FER: variants seen among roughly 807,000 people sequenced by gnomAD.
The protein encoded by FER is FER tyrosine kinase.
Under a neutral mutation model 111.0 loss-of-function variants are expected in FER, and 63 were observed. That is an observed-to-expected ratio of 0.57 (90% CI 0.46 to 0.70). The LOEUF (loss-of-function observed/expected upper bound fraction) is 0.70, where lower values mean the gene tolerates loss of function less well. FER is among the 30% of genes least tolerant of loss of function. The probability of loss-of-function intolerance (pLI) is 0.00; values close to 1 mark genes in which losing one functional copy is unlikely to be tolerated. For synonymous variants in FER, 327 were observed against 313.9 expected (o/e 1.04, Z -0.44); for missense variants, 914 against 954.0 (o/e 0.96, Z 0.55).
At chr5:108,891,091 CATT>C (rs1481578670) in intron 9 of FER, among the ~76,000 whole-genome samples, 1 of 152,066 alleles carries the variant, frequency 6.6e-6, no homozygotes, top group African/African-American at 2.4e-5. Flanking sequence ...AGTGATATCT[CATT>C]GTTGTTTTAA....
At chr5:109,180,274 A>C (rs565226005) in intron 17 of FER, among the ~76,000 whole-genome samples, 4 of 152,180 alleles carry the variant, frequency 2.6e-5, no homozygotes, top group Non-Finnish European at 4.4e-5. Context: ...ATCAGAGTCT[A>C]CTCAGTATCT....
At chr5:108,908,296 A>G (rs535359613) in intron 10 of FER, among the ~76,000 whole-genome samples, 1 of 152,216 alleles carries the variant, frequency 6.6e-6, no homozygotes, top group African/African-American at 2.4e-5. Flanking sequence ...ATTTTTTAAA[A>G]ACCTTTTTCC....
intron 16 of FER, among the ~76,000 whole-genome samples, chr5:109,048,702 C>A (rs1446229707): frequency 2.0e-5 from 3 of 152,230 alleles, no homozygotes; most frequent in South Asian, 2.1e-4. Flanking sequence ...ATGAAACCTT[C>A]TACTCAACAG....
intron 16 of FER, among the ~76,000 whole-genome samples, chr5:109,049,198 C>G (rs1023252307): frequency 2.0e-5 from 3 of 152,300 alleles, no homozygotes; most frequent in Non-Finnish European, 4.4e-5. Context: ...CTTAAAGTGA[C>G]ACCCATTTTT....
chr5:108,911,664 T>G (rs143753169), intron 10 of FER, among the ~76,000 whole-genome samples: 78 of 152,296 alleles, frequency 5.1e-4, no homozygotes, highest in African/African-American at 1.8e-3. Flanking sequence ...AGGGGTCTAG[T>G]TTTATTCTTT....
At chr5:108,808,740 T>G (rs977387140) in intron 3 of FER, among the ~76,000 whole-genome samples, 4 of 152,168 alleles carry the variant, frequency 2.6e-5, no homozygotes, top group Non-Finnish European at 4.4e-5. Context: ...TGTTGTTGTT[T>G]CCTTGTTTAG....
chr5:108,913,879 C>G (rs917631430), intron 10 of FER, among the ~76,000 whole-genome samples: 4 of 152,074 alleles, frequency 2.6e-5, no homozygotes, highest in African/African-American at 7.2e-5. Context: ...AAAAATAATG[C>G]TAAGTGAAAA....
intron 13 of FER, among the ~76,000 whole-genome samples, chr5:109,005,776 T>C (rs1191892574): frequency 6.6e-6 from 1 of 152,200 alleles, no homozygotes; most frequent in Non-Finnish European, 1.5e-5. Flanking sequence ...GCAAGGACCA[T>C]GTGTTCTGCC....
chr5:108,924,885 T>C (rs1753529269), intron 10 of FER: 3 of 958,856 alleles, frequency 3.1e-6, no homozygotes, highest in African/African-American at 1.7e-5. Flanking sequence ...CTGCTTCAAA[T>C]GGGAAGGATA....
intron 17 of FER, among the ~76,000 whole-genome samples, chr5:109,176,076 T>C (rs1299575864): frequency 6.6e-6 from 1 of 152,084 alleles, no homozygotes; most frequent in Non-Finnish European, 1.5e-5. Flanking sequence ...TAAATTAATA[T>C]ATATATTATG....
chr5:109,142,270 C>T (rs561456318), intron 17 of FER, among the ~76,000 whole-genome samples: 4 of 152,184 alleles, frequency 2.6e-5, no homozygotes, highest in East Asian at 1.9e-4. Context: ...ATTAAGTTGT[C>T]GATATTAGAA....
Position 109,034,367 on chromosome 5 carries a change from G to A in FER, c.1657-3055G>A, listed in dbSNP as rs1770072262. Among the ~76,000 whole-genome samples, 2 of 152,178 alleles carry A rather than the reference G, an allele frequency of 1.3e-5. 1 individual carries two copies. On this transcript the variant is annotated intron_variant, in intron 13 of 19. Transcript: ENST00000281092. ...CAATCCATGATGGACATGTTTAGAA[G>A]GTAGGCTTACTTCTTTTCATTTCGA...
At chr5:109,052,358 T>C (rs2149930628) in intron 16 of FER, 2 of 1,589,216 alleles carry the variant, frequency 1.3e-6, no homozygotes, top group South Asian at 2.2e-5. Flanking sequence ...AGCAGCAGGA[T>C]TTGGAAAATG....
At chr5:109,056,977 G>C (rs1466346108) in intron 16 of FER, among the ~76,000 whole-genome samples, 1 of 152,116 alleles carries the variant, frequency 6.6e-6, no homozygotes, top group Admixed American at 6.5e-5. Context: ...AGGCTTGGTA[G>C]AATTTAGAGT....
At chr5:108,933,318 C>T (rs1754971054) in intron 10 of FER, among the ~76,000 whole-genome samples, 1 of 152,160 alleles carries the variant, frequency 6.6e-6, no homozygotes, top group Non-Finnish European at 1.5e-5. Flanking sequence ...ATATGGCTAG[C>T]CAGTTTTCCC....
Position 108,817,103 on chromosome 5 carries a change from C to CAAAAAAAAAAAA in FER, c.208-15644_208-15633dup, listed in dbSNP as rs70999913. Among the ~76,000 whole-genome samples the CAAAAAAAAAAAA allele has an allele frequency of 4.2e-4, 25 of 59,198 alleles. 5 individuals are homozygous for CAAAAAAAAAAAA. The highest frequency in any genetic ancestry group is 5.7e-4 in the Non-Finnish European group (19 of 33,488). 38.8% of individuals were successfully genotyped at this position (59,198 alleles called of 152,430 possible). A position where few individuals can be genotyped will look rare whatever the true frequency, so the allele number is the denominator to read the frequency against. Reference sequence around the variant, plus strand: ...TGGGCAACAGAGCAAGACACTGTCTCAAAAAAAAAAAAAAAAAAAAAAAAA... The same window carrying CAAAAAAAAAAAA: ...TGGGCAACAGAGCAAGACACTGTCTCAAAAAAAAAAAAAAAAAAAAAAAAAAAAAAAAAAAAA... On this transcript the variant is annotated intron_variant, in intron 3 of 19. Transcript: ENST00000281092.
chr5:109,001,131 A>G (rs955164745), intron 13 of FER, among the ~76,000 whole-genome samples: 2 of 152,214 alleles, frequency 1.3e-5, no homozygotes, highest in Non-Finnish European at 2.9e-5. Context: ...AACTCATTTT[A>G]TAAGGCCAGC....
At chr5:108,757,168 T>A (rs1329859582) in intron 1 of FER, among the ~76,000 whole-genome samples, 1 of 152,236 alleles carries the variant, frequency 6.6e-6, no homozygotes, top group Non-Finnish European at 1.5e-5. Context: ...CTGGATTTAA[T>A]AGAAGTTTCA....
At chr5:108,962,344 C>T (rs1021858312) in intron 13 of FER, among the ~76,000 whole-genome samples, 1 of 152,164 alleles carries the variant, frequency 6.6e-6, no homozygotes, top group Non-Finnish European at 1.5e-5. Flanking sequence ...CTGTTCTTTA[C>T]TTAATTCAGT....
Sources: gnomAD v4.1 joint callset for allele counts (sites outside exome capture counted in the v4.1 genomes callset) on GRCh38, gnomAD v4.1.1 for gene constraint, MANE v1.5 for transcripts, NCBI Gene and HGNC (gene_info 2026-07-23, HGNC 2026-07-21) for gene names.